Variants in CERT1 observed in about 807,000 individuals in gnomAD.
The protein encoded by CERT1 is ceramide transporter 1, also known as ceramide transfer protein.
Under a neutral mutation model 87.9 loss-of-function variants are expected in CERT1, and 31 were observed. The ratio of observed to expected loss-of-function variants is 0.35; its 90% CI spans 0.27 to 0.48. The LOEUF (loss-of-function observed/expected upper bound fraction) is 0.48. CERT1 is among the 20% of genes least tolerant of loss of function. The probability of loss-of-function intolerance (pLI) is 0.99; values close to 1 mark genes in which losing one functional copy is unlikely to be tolerated. For missense variants in CERT1, 487 were observed against 758.0 expected (o/e 0.64, Z 4.20); for synonymous variants, 289 against 250.9 (o/e 1.15, Z -1.44).
intron 6 of CERT1, among the ~76,000 whole-genome samples, chr5:75,418,398 T>C (rs1349379967): frequency 1.3e-5 from 2 of 152,172 alleles, no homozygotes; most frequent in East Asian, 1.9e-4. Flanking sequence ...GGGACTCTCA[T>C]ATGTGGCTGG....
intron 10 of CERT1, among the ~76,000 whole-genome samples, chr5:75,399,616 A>G (rs1484063617): frequency 1.3e-5 from 2 of 152,204 alleles, no homozygotes; most frequent in Non-Finnish European, 2.9e-5. Flanking sequence ...ATTTAACCCC[A>G]AAGAAGAGAG....
In CERT1 at chr5:75,506,008, T is replaced by G. The variant is rs745995596; in HGVS notation, c.205A>C (p.Ile69Leu). 5.0e-6 allele frequency: 8 copies of G among 1,613,870 alleles called. No homozygotes were observed. In the South Asian group the frequency reaches 8.8e-5, roughly 18 times the overall value. The change falls in exon 2 of 17, where the codon ATC becomes CTC. Residue 69 changes from isoleucine (I) to leucine (L), a missense_variant. Transcript: ENST00000643780. ...DETEYGCRGS[I>L]CLSKAVITPH... is the part of the protein sequence containing the mutation. ...GTGATGACAGCCTTGCTAAGACAGA[T>G]GGATCCTCTGCAGCCATACTCTGTT...
At chr5:75,470,002 G>C (rs2112350227) in intron 2 of CERT1, among the ~76,000 whole-genome samples, 1 of 152,134 alleles carries the variant, frequency 6.6e-6, no homozygotes, top group Non-Finnish European at 1.5e-5. Context: ...TTCAGCAAGA[G>C]GATATCACAA....
Position 75,511,572 on chromosome 5 carries a change from TC to T in CERT1, c.-366del. 1 of 1,460,010 alleles carries T rather than the reference TC, an allele frequency of 6.8e-7. No individual in the cohort carries two copies. 90.4% of individuals were successfully genotyped at this position (1,460,010 alleles called of 1,614,324 possible). On this transcript the variant is annotated 5_prime_UTR_variant, in exon 1 of 17. Transcript: ENST00000643780. ...GGGAAGAGAAAATCCGGCCGCTGAGTCCCGCGTCCACTCACACCTCCGCTAC... is the reference window on the plus strand; with the variant it reads ...GGGAAGAGAAAATCCGGCCGCTGAGTCCGCGTCCACTCACACCTCCGCTAC...
intron 5 of CERT1, among the ~76,000 whole-genome samples, chr5:75,424,562 C>T (rs1181695215): frequency 6.8e-6 from 1 of 146,746 alleles, no homozygotes; most frequent in Non-Finnish European, 1.5e-5. Context: ...CAGAGCGAGA[C>T]TCTGTCTCAA....
At chr5:75,387,363 T>C (rs1041577564) in intron 12 of CERT1, among the ~76,000 whole-genome samples, 12 of 152,192 alleles carry the variant, frequency 7.9e-5, no homozygotes, top group African/African-American at 2.9e-4. Context: ...CTGTTCTAGG[T>C]AGGCTTTCAT....
intron 16 of CERT1, 79 bp downstream of exon 16, chr5:75,380,993 A>T: frequency 2.0e-6 from 3 of 1,470,754 alleles, no homozygotes; most frequent in Non-Finnish European, 2.8e-6. Flanking sequence ...CTAAAAAGGC[A>T]TTTGTCCAAA....
chr5:75,444,548 CT>C (rs952234196), intron 3 of CERT1, among the ~76,000 whole-genome samples: 126 of 128,770 alleles, frequency 9.8e-4, no homozygotes, highest in South Asian at 7.4e-3. Context: ...CTTTTCTTTT[CT>C]TTTTTTTTTT....
chr5:75,404,202 G>A (rs1163784028), intron 8 of CERT1, among the ~76,000 whole-genome samples: 1 of 145,406 alleles, frequency 6.9e-6, no homozygotes, highest in South Asian at 2.2e-4. Flanking sequence ...ATGGGGTCAC[G>A]TTCTTGTCAT....
intron 3 of CERT1, among the ~76,000 whole-genome samples, chr5:75,456,599 A>G (rs1012545321): frequency 1.5e-5 from 2 of 135,654 alleles, no homozygotes; most frequent in Non-Finnish European, 3.1e-5. Context: ...GTTTGAACCG[A>G]GGAGGCAGAG....
intron 3 of CERT1, among the ~76,000 whole-genome samples, chr5:75,452,834 A>G (rs1475652677): frequency 2.0e-5 from 3 of 152,208 alleles, no homozygotes; most frequent in Non-Finnish European, 4.4e-5. Context: ...TTAAAACAAA[A>G]CCCTATCTTT....
intron 11 of CERT1, among the ~76,000 whole-genome samples, chr5:75,396,114 C>T (rs1762244587): frequency 6.6e-6 from 1 of 152,050 alleles, no homozygotes. Context: ...AACATCATTT[C>T]AAGAAGAACA....
intron 2 of CERT1, among the ~76,000 whole-genome samples, chr5:75,478,926 A>T (rs1766099740): frequency 6.7e-6 from 1 of 149,350 alleles, no homozygotes; most frequent in Non-Finnish European, 1.5e-5. Flanking sequence ...AAAAAAAAAA[A>T]AAAAAAAAAA....
chr5:75,373,906 A>G (rs1263849684), downstream of CERT1: 1 of 394,654 alleles, frequency 2.5e-6, no homozygotes, highest in Admixed American at 4.4e-5. Context: ...TTGTGATTCA[A>G]AGTTGATTTT....
intron 8 of CERT1, among the ~76,000 whole-genome samples, chr5:75,405,885 G>A (rs1486934750): frequency 1.5e-5 from 2 of 132,506 alleles, no homozygotes; most frequent in African/African-American, 6.3e-5. Context: ...GGGGGGGGGG[G>A]GTCTTGTAAT....
At chr5:75,427,051 T>C (rs1312511686) in intron 3 of CERT1, among the ~76,000 whole-genome samples, 2 of 152,222 alleles carry the variant, frequency 1.3e-5, no homozygotes, top group African/African-American at 4.8e-5. Context: ...TTGTATCTTT[T>C]AAATTTTTGT....
chr5:75,424,780 G>A (rs977666360), intron 5 of CERT1, among the ~76,000 whole-genome samples: 1 of 152,080 alleles, frequency 6.6e-6, no homozygotes, highest in East Asian at 1.9e-4. Context: ...ATAATACCAA[G>A]ATAATAGATA....
chr5:75,371,266 T>A (rs1485657338), intron 17 of CERT1: 1 of 152,234 alleles, frequency 6.6e-6, no homozygotes, highest in Admixed American at 6.5e-5. Context: ...TTAAAATGAT[T>A]ATGTTTTGAG....
intron 2 of CERT1, among the ~76,000 whole-genome samples, chr5:75,460,648 C>A (rs184155054): frequency 6.6e-6 from 1 of 152,160 alleles, no homozygotes; most frequent in South Asian, 2.1e-4. Context: ...GAAAAGAATC[C>A]GCTCTGGGCA....
Sources: allele counts gnomAD v4.1 joint callset (sites outside exome capture counted in the v4.1 genomes callset), GRCh38; gene constraint gnomAD v4.1.1; transcripts MANE v1.5; gene names NCBI Gene and HGNC (gene_info 2026-07-23, HGNC 2026-07-21).